NLRP6: variants seen among roughly 807,000 people sequenced by gnomAD.
NLRP6 encodes NACHT, LRR and PYD domains-containing protein 6.
A neutral mutation model predicts 70.9 loss-of-function variants in NLRP6; 55 were observed. The ratio of observed to expected loss-of-function variants is 0.78; its 90% CI spans 0.62 to 0.97. The LOEUF is 0.97. Among genes scored for constraint, NLRP6 ranks in the 50% least tolerant of loss-of-function variants. The pLI is 0.00. For missense variants in NLRP6, 1,241 were observed against 1,238.3 expected, an observed-to-expected ratio of 1.00 and a Z score of -0.03; for synonymous variants, 652 against 581.9, an observed-to-expected ratio of 1.12 and a Z score of -1.73.
intron 5 of NLRP6, 86 bp from the exon 6 acceptor site, chr11:284,144 C>T: frequency 8.0e-7 from 1 of 1,254,074 alleles, no homozygotes. Flanking sequence ...AACCCTGGGC[C>T]ACCGGGCAGC....
rs374226154 is a variant in NLRP6 at position 280,095 on chromosome 11, A to T, written c.361A>T (p.Lys121Ter). 6 of 1,509,854 alleles carry T rather than the reference A, an allele frequency of 4.0e-6. No homozygotes were observed. Among genetic ancestry groups the T allele is most frequent in the African/African-American group, 1.4e-5 (1 of 69,888 alleles). 93.5% of individuals were successfully genotyped at this position (1,509,854 alleles called of 1,614,324 possible). ...CCCGCTGCGCCCAGAGTACAAGAAGAAGTACCGGGAGCACGTGCTGCAGCT... is the reference window on the plus strand; with the variant it reads ...CCCGCTGCGCCCAGAGTACAAGAAGTAGTACCGGGAGCACGTGCTGCAGCT... ...TLLSVSEYKKKYREHVLQLHA... is the reference protein window; with the variant it reads ...TLLSVSEYKK The change falls in exon 4 of 8, where the codon AAG (lysine) becomes TAG (stop). Residue 121 changes from lysine to a stop codon, truncating the protein, a stop_gained. Coordinates refer to ENST00000534750, the MANE Select transcript of NLRP6 (RefSeq NM_001276700.2). LOFTEE classifies it high-confidence loss of function.
intron 5 of NLRP6, 64 bp from the exon 6 acceptor site, chr11:284,166 G>A (rs1354664165): frequency 1.0e-5 from 15 of 1,461,724 alleles, no homozygotes; most frequent in Non-Finnish European, 1.4e-5. Context: ...GGCATTTTGT[G>A]CAGTTGGAGG....
At chr11:281,935 T>C in intron 4 of NLRP6, 96 bp downstream of exon 4, 2 of 1,153,418 alleles carry the variant, frequency 1.7e-6, no homozygotes, top group Non-Finnish European at 2.4e-6. Flanking sequence ...GGGGCGCACC[T>C]CCAGACCAGA....
At position 280,509 on chromosome 11, in the gene NLRP6, G is replaced by T; in HGVS notation, c.775G>T (p.Asp259Tyr). ...LADLILDQCP[D>Y]RGAPVPQMLA... ...TGACCTGATCCTGGACCAGTGCCCC[G>T]ACCGCGGCGCGCCGGTGCCGCAGAT... Residue 259 changes from aspartate (D) to tyrosine (Y), a missense_variant, in exon 4 of 8, where the codon GAC (aspartate) becomes TAC (tyrosine). Transcript: ENST00000534750. 1 of 1,574,646 alleles carries T rather than the reference G, an allele frequency of 6.4e-7. No homozygotes were observed. Among genetic ancestry groups the T allele is most frequent in the South Asian group, 1.1e-5 (1 of 88,354 alleles).
intron 6 of NLRP6, 27 bp from the exon 7 acceptor site, chr11:284,448 C>T (rs758568352): frequency 3.1e-6 from 5 of 1,606,062 alleles, no homozygotes; most frequent in Non-Finnish European, 4.3e-6. Flanking sequence ...GCCACCCCAG[C>T]AGCTCCTGAG....
At chr11:283,608 C>G (rs560297143) in intron 5 of NLRP6, among the ~76,000 whole-genome samples, 11 of 152,224 alleles carry the variant, frequency 7.2e-5, no homozygotes, top group Admixed American at 7.2e-4. Context: ...CCACCGCGCC[C>G]GGCCACATGT....
chr11:282,652 G>C (rs756381552), intron 4 of NLRP6, 53 bp from the exon 5 acceptor site: 3 of 1,397,988 alleles, frequency 2.1e-6, no homozygotes, highest in East Asian at 4.6e-5. Context: ...AGTCCTTTCC[G>C]GCAGGCACTG....
chr11:279,978 G>A, intron 3 of NLRP6, 106 bp downstream of exon 3: 1 of 1,409,044 alleles, frequency 7.1e-7, no homozygotes, highest in South Asian at 1.5e-5. Context: ...TGGTCCCGTA[G>A]AGGAAACTGA....
In NLRP6 at chr11:280,269, A is replaced by T; in HGVS notation, c.535A>T (p.Thr179Ser). The T allele has an allele frequency of 6.6e-7, 1 of 1,521,790 alleles. No individual in the cohort carries two copies. The highest frequency in any genetic ancestry group is 8.8e-7 in the Non-Finnish European group (1 of 1,135,308). 94.3% of individuals were successfully genotyped at this position (1,521,790 alleles called of 1,614,324 possible). ...GCCGGGGCGCGCGCGGCGCTCGGAC[A>T]CGCACACTTTCAACCGCCTCTTCCG... ...PEPGRARRSD[T>S]HTFNRLFRRD... The change falls in exon 4 of 8, where the codon ACG becomes TCG. Residue 179 changes from threonine (T) to serine (S), a missense_variant. Thr to Ser is a moderately conservative substitution (Grantham distance 58). Coordinates refer to ENST00000534750, the MANE Select transcript of NLRP6 (RefSeq NM_001276700.2).
Position 278,566 on chromosome 11 carries a change from C to A in NLRP6, c.-4C>A, listed in dbSNP as rs752508413. ...AGTGCTAGACCCAGGGAGGAAGAGA[C>A]CCCATGGACCAGCCAGAGGCCCCCT... On this transcript the variant is annotated 5_prime_UTR_variant, in exon 1 of 8. Coordinates refer to ENST00000534750, the MANE Select transcript of NLRP6 (RefSeq NM_001276700.2). The surrounding 1 kb of genome is among the most constrained non-coding windows in gnomAD (Gnocchi z 4.7). 6 of 1,589,764 alleles carry A rather than the reference C, an allele frequency of 3.8e-6. No individual in the cohort carries two copies. Among genetic ancestry groups the A allele is most frequent in the East Asian group, 2.4e-5 (1 of 41,924 alleles).
Position 280,663 on chromosome 11 carries a change from G to A in NLRP6, c.929G>A (p.Gly310Glu). 1 of 1,535,090 alleles carries A rather than the reference G, an allele frequency of 6.5e-7. No homozygotes were observed. The highest frequency in any genetic ancestry group is 8.7e-7 in the Non-Finnish European group (1 of 1,147,844). Residue 310 changes from glycine (G) to glutamate (E), a missense_variant, in exon 4 of 8, where the codon GGG becomes GAG. Physicochemically the swap from Gly to Glu is moderately conservative, Grantham distance 98. Transcript: ENST00000534750. The stretch of plus-strand genomic sequence containing the variant: ...GCGAGCGGCGCGCGGGTGCTAGGCG[G>A]GCTGCTGAGCAAGGCGCTGCTGCCC... ...EAASGARVLG[G>E]LLSKALLPTA...
rs1254706766 is a variant in NLRP6 at position 280,842 on chromosome 11, C to G, written c.1108C>G (p.Arg370Gly). ...KYFRDERRAE[R>G]AYRFVKENET... The stretch of plus-strand genomic sequence containing the variant: ...TTTCCGGGATGAGAGGAGGGCCGAG[C>G]GCGCCTACCGCTTCGTGAAGGAGAA... Residue 370 changes from arginine to glycine, a missense_variant, in exon 4 of 8, where the codon CGC becomes GGC. Physicochemically the swap from Arg to Gly is moderately radical, Grantham distance 125. Coordinates refer to ENST00000534750, the MANE Select transcript of NLRP6 (RefSeq NM_001276700.2). 1 of 1,613,256 alleles carries G rather than the reference C, an allele frequency of 6.2e-7. No individual in the cohort carries two copies. The highest frequency in any genetic ancestry group is 2.2e-5 in the East Asian group (1 of 44,890).
Position 280,776 on chromosome 11 carries a change from G to C in NLRP6, c.1042G>C (p.Gly348Arg), listed in dbSNP as rs369729521. 6.0e-5 allele frequency: 96 copies of C among 1,611,792 alleles called. No individual in the cohort carries two copies. The highest frequency in any genetic ancestry group is 8.1e-5 in the Non-Finnish European group (95 of 1,179,326). The change falls in exon 4 of 8, where the codon GGC becomes CGC. Residue 348 changes from glycine (G) to arginine (R), a missense_variant. Coordinates refer to ENST00000534750, the MANE Select transcript of NLRP6 (RefSeq NM_001276700.2). ...TTCCCCGCAGTGCGCCGAGGTGCGC[G>C]GCTTCTCCGACAAGGACAAGAAGAA... ...LCSPQCAEVR[G>R]FSDKDKKKYF...
At chr11:279,940 G>C in intron 3 of NLRP6, 68 bp downstream of exon 3, 2 of 1,446,702 alleles carry the variant, frequency 1.4e-6, no homozygotes, top group Middle Eastern at 4.6e-4. Context: ...GAGGACCGGG[G>C]TGGGAGGGCC....
At position 280,210 on chromosome 11, in the gene NLRP6, C is replaced by G. The variant is rs1288276878; in HGVS notation, c.476C>G (p.Pro159Arg). The G allele has an allele frequency of 5.2e-6, 8 of 1,546,574 alleles. No homozygotes were observed. The highest frequency in any genetic ancestry group is 3.9e-5 in the Admixed American group (2 of 50,650). The change falls in exon 4 of 8, where the codon CCG (proline) becomes CGG (arginine). Residue 159 changes from proline to arginine, a missense_variant. By Grantham distance (103) the Pro-to-Arg change is moderately radical. Coordinates refer to ENST00000534750, the MANE Select transcript of NLRP6 (RefSeq NM_001276700.2). ...KLLIAPESAA[P>R]EEAMGPAEEP... ...CTCATCGCGCCCGAGAGCGCCGCCC[C>G]GGAGGAGGCGATGGGGCCCGCGGAA...
rs576389552 is a variant in NLRP6, at chr11:279,679, A to AGCCCCGGCGCGGTCCCCG, written c.310+78_310+95dup. The AGCCCCGGCGCGGTCCCCG allele has an allele frequency of 1.2e-3, 1,631 of 1,362,080 alleles. 14 individuals are homozygous for AGCCCCGGCGCGGTCCCCG. In the African/African-American group the frequency reaches 0.022, roughly 18 times the overall value. The allele number at this position is 1,362,080 out of a possible 1,614,324, so 84.4% of individuals were successfully genotyped here. ...TGCCCTCCTTCCCGCTTCCCGGAGA[A>AGCCCCGGCGCGGTCCCCG]GCCCCGGCGCGGTCCCCGGCCCCCG... On this transcript the variant is annotated intron_variant, in intron 2 of 7. Transcript: ENST00000534750.
At position 281,038 on chromosome 11, in the gene NLRP6, G is replaced by A. The variant is rs778113113; in HGVS notation, c.1304G>A (p.Gly435Glu). 1.9e-6 allele frequency: 3 copies of A among 1,612,942 alleles called. No homozygotes were observed. Among genetic ancestry groups the A allele is most frequent in the South Asian group, 2.2e-5 (2 of 91,086 alleles). Residue 435 changes from glycine (G) to glutamate (E), a missense_variant, in exon 4 of 8, where the codon GGG (glycine) becomes GAG (glutamate). Transcript: ENST00000534750. ...CTGAGCTCGGCTCCGGTAGCCGACG[G>A]GCCCCGGTTGCAGGGCGACCTGCGC... Reference protein sequence around the residue: ...SVLSSAPVADGPRLQGDLRNL... With the variant: ...SVLSSAPVADEPRLQGDLRNL...
In NLRP6 at chr11:280,454, G is replaced by T; in HGVS notation, c.720G>T (p.Leu240=). ...CCTTCTTCATGCCCTGCGGCGAGCT[G>T]CTGGAGAGGCCGGGCACGCGCAGCC... ...DFAFFMPCGE[L]LERPGTRSLA... The change falls in exon 4 of 8, where the codon CTG becomes CTT. Residue 240 remains leucine (L), a synonymous_variant. Transcript: ENST00000534750. The T allele has an allele frequency of 6.3e-7, 1 of 1,592,686 alleles. No homozygotes were observed. Among genetic ancestry groups the T allele is most frequent in the Non-Finnish European group, 8.5e-7 (1 of 1,177,738 alleles).
At position 281,128 on chromosome 11, in the gene NLRP6, T is replaced by G. The variant is rs1354302888; in HGVS notation, c.1394T>G (p.Leu465Arg). The G allele has an allele frequency of 2.5e-6, 4 of 1,612,972 alleles. No individual in the cohort carries two copies. The highest frequency in any genetic ancestry group is 3.4e-6 in the Non-Finnish European group (4 of 1,179,916). ...GRRAQFAEKE[L>R]EQLELRGSKV... ...AGGGCGCAGTTTGCCGAGAAGGAAC[T>G]GGAGCAACTGGAGCTTCGTGGCTCC... Residue 465 changes from leucine (L) to arginine (R), a missense_variant, in exon 4 of 8, where the codon CTG becomes CGG. Coordinates refer to ENST00000534750, the MANE Select transcript of NLRP6 (RefSeq NM_001276700.2).
Sources: gnomAD v4.1 joint callset for allele counts (sites outside exome capture counted in the v4.1 genomes callset) on GRCh38, gnomAD v4.1.1 for gene constraint, Gnocchi (gnomAD v3.1) non-coding constraint, MANE v1.5 for transcripts, NCBI Gene and HGNC (gene_info 2026-07-23, HGNC 2026-07-21) for gene names.